The following SYNE2 variants were observed in gnomAD, a reference collection of about 807,000 sequenced individuals.
The protein encoded by SYNE2 is nesprin-2.
A neutral mutation model predicts 856.3 loss-of-function variants in SYNE2; 431 were observed. The observed-to-expected ratio is 0.50, with a 90% CI of 0.47 to 0.55. SYNE2 has a LOEUF of 0.55. SYNE2 is among the 20% of genes least tolerant of loss of function. SYNE2 has a pLI of 0.00. For missense variants in SYNE2, 8,129 were observed against 8,023.2 expected (o/e 1.01, Z -0.50); for synonymous variants, 2,923 against 2,872.3 (o/e 1.02, Z -0.56).
intron 64 of SYNE2, among the ~76,000 whole-genome samples, chr14:64,106,584 G>A (rs1167131366): frequency 5.3e-5 from 8 of 152,176 alleles, no homozygotes; most frequent in Admixed American, 5.2e-4. Flanking sequence ...AGGAGGCGGA[G>A]CTTGTGGTGA....
chr14:64,196,557 C>T (rs1439826301), intron 99 of SYNE2, among the ~76,000 whole-genome samples: 1 of 152,154 alleles, frequency 6.6e-6, no homozygotes, highest in Non-Finnish European at 1.5e-5. Flanking sequence ...AGGGATATTT[C>T]TTCTTTAAGA....
intron 107 of SYNE2, 112 bp from the exon 108 acceptor site, chr14:64,216,136 G>T: frequency 1.3e-6 from 2 of 1,583,268 alleles, no homozygotes; most frequent in East Asian, 2.3e-5. Flanking sequence ...AAACATGCAT[G>T]CTTTGCAAGG....
At chr14:63,885,633 GCT>G (rs1488883439) in intron 1 of SYNE2, among the ~76,000 whole-genome samples, 1 of 152,066 alleles carries the variant, frequency 6.6e-6, no homozygotes, top group Non-Finnish European at 1.5e-5. Context: ...ACAGGGTTTT[GCT>G]CTGTCACCTA....
rs908836747 is a variant in SYNE2 at position 64,221,582 on chromosome 14, C to T, written c.20068C>T (p.His6690Tyr). 2 of 1,614,170 alleles carry T rather than the reference C, an allele frequency of 1.2e-6. No homozygotes were observed. The highest frequency in any genetic ancestry group is 1.3e-5 in the African/African-American group (1 of 75,022). The change falls in exon 112 of 116, where the codon CAC becomes TAC. Residue 6690 changes from histidine (H) to tyrosine (Y), a missense_variant. By Grantham distance (83) the His-to-Tyr change is moderately conservative (BLOSUM62 2). Coordinates refer to ENST00000555002, the MANE Select transcript of SYNE2 (RefSeq NM_182914.3). ...RQSLMQCQDF[H>Y]QLSQNLLLWL... ...TGATGTGTTGTTTTTTAAGGACTTCCACCAGTTGAGTCAAAATCTGCTGCT... is the reference window on the plus strand; with the variant it reads ...TGATGTGTTGTTTTTTAAGGACTTCTACCAGTTGAGTCAAAATCTGCTGCT...
chr14:64,167,805 C>T (rs947833788), intron 92 of SYNE2, among the ~76,000 whole-genome samples, 166 bp downstream of exon 92: 5 of 152,144 alleles, frequency 3.3e-5, no homozygotes, highest in Admixed American at 2.6e-4. Context: ...AATTCTTGTA[C>T]GTTTCATAAA....
chr14:64,167,930 T>A (rs2098389937), intron 92 of SYNE2, among the ~76,000 whole-genome samples: 2 of 152,196 alleles, frequency 1.3e-5, no homozygotes, highest in African/African-American at 4.8e-5. Flanking sequence ...TACCATTCTA[T>A]CAAGAGTATA....
chr14:63,872,938 C>T (rs989965099), intron 1 of SYNE2, among the ~76,000 whole-genome samples: 6 of 151,974 alleles, frequency 3.9e-5, no homozygotes, highest in African/African-American at 1.4e-4. Context: ...ATTAGTATGT[C>T]TCAGTTTATC....
intron 64 of SYNE2, 124 bp downstream of exon 64, chr14:64,102,166 G>T (rs537140617): frequency 4.8e-5 from 34 of 704,168 alleles, no homozygotes; most frequent in Non-Finnish European, 8.3e-5. Flanking sequence ...GCCCAGACTG[G>T]AGTGCAGTCG....
chr14:63,818,706 T>C (rs1441759982), intron 1 of SYNE2, among the ~76,000 whole-genome samples: 3 of 149,818 alleles, frequency 2.0e-5, no homozygotes, highest in Admixed American at 6.7e-5. Flanking sequence ...CTTTTCTTTT[T>C]TTTTTTTTTT....
chr14:64,031,830 A>G (rs532563637), intron 45 of SYNE2, among the ~76,000 whole-genome samples: 64 of 152,330 alleles, frequency 4.2e-4, no homozygotes, highest in Middle Eastern at 3.4e-3. Context: ...GGATAGCAAC[A>G]TTTAGGCTCC....
intron 41 of SYNE2, among the ~76,000 whole-genome samples, chr14:64,026,198 CTG>C (rs1270501514): frequency 6.6e-6 from 1 of 152,168 alleles, no homozygotes; most frequent in Non-Finnish European, 1.5e-5. Context: ...ATGAGGGACA[CTG>C]TATTTTCCTA....
At chr14:63,938,300 T>A (rs2095857788) in intron 2 of SYNE2, among the ~76,000 whole-genome samples, 1 of 151,938 alleles carries the variant, frequency 6.6e-6, no homozygotes, top group African/African-American at 2.4e-5. Flanking sequence ...ACAAAAAATT[T>A]AAAAAATTAG....
chr14:64,124,685 C>G (rs759846159), intron 70 of SYNE2, among the ~76,000 whole-genome samples: 1 of 152,130 alleles, frequency 6.6e-6, no homozygotes, highest in Non-Finnish European at 1.5e-5. Context: ...AGACAGCATG[C>G]TAAGGCATCT....
intron 15 of SYNE2, 81 bp downstream of exon 15, chr14:63,980,813 T>C (rs1449334262): frequency 5.9e-6 from 7 of 1,188,844 alleles, no homozygotes; most frequent in South Asian, 2.7e-5. Flanking sequence ...CTATATAATG[T>C]TTTAGAAATT....
rs146512261 is a variant in SYNE2, at chr14:63,973,378, T to A, written c.1129-3185T>A. Among the ~76,000 whole-genome samples the A allele has an allele frequency of 3.6e-3, 552 of 152,280 alleles. 16 individuals are homozygous for A. In the East Asian group the frequency reaches 0.087, roughly 24 times the overall value. On this transcript the variant is annotated intron_variant, in intron 11 of 115. Transcript: ENST00000555002. The stretch of plus-strand genomic sequence containing the variant: ...CAGGTGCAGTGGCTCACGCCTGTAA[T>A]CCCAGCACTTTGGGAGGCCGAGGCG...
chr14:64,056,287 A>G (rs374376241), intron 49 of SYNE2, 21 bp downstream of exon 49: 3 of 1,584,300 alleles, frequency 1.9e-6, no homozygotes, highest in Non-Finnish European at 2.6e-6. Flanking sequence ...TTCCAAAGGT[A>G]ATCTTTAAGA....
Position 63,957,522 on chromosome 14 carries a change from C to T in SYNE2, c.787+2607C>T, listed in dbSNP as rs150549591. ...GGCCTCAAGTGTTTGCCCACCTCAGCCTCCCAAAATGCTGGGATTACAGAT... is the reference window on the plus strand; with the variant it reads ...GGCCTCAAGTGTTTGCCCACCTCAGTCTCCCAAAATGCTGGGATTACAGAT... On this transcript the variant is annotated intron_variant, in intron 8 of 115. Transcript: ENST00000555002. Among the ~76,000 whole-genome samples, 356 of 152,002 alleles carry T rather than the reference C, an allele frequency of 2.3e-3. 2 individuals are homozygous for T. The highest frequency in any genetic ancestry group is 3.8e-3 in the Admixed American group (58 of 15,264).
intron 1 of SYNE2, among the ~76,000 whole-genome samples, chr14:63,825,542 A>G (rs560333437): frequency 1.3e-5 from 2 of 152,276 alleles, no homozygotes; most frequent in Non-Finnish European, 2.9e-5. Flanking sequence ...TACTGAAAGA[A>G]GTGCAAGACT....
intron 88 of SYNE2, chr14:64,162,612 A>G: frequency 2.7e-6 from 1 of 371,496 alleles, no homozygotes; most frequent in Non-Finnish European, 5.2e-6. Flanking sequence ...TAAGAATAAT[A>G]CATGTTGTAT....
Sources: gnomAD v4.1 joint callset for allele counts (sites outside exome capture counted in the v4.1 genomes callset) on GRCh38, gnomAD v4.1.1 for gene constraint, MANE v1.5 for transcripts, NCBI Gene and HGNC (gene_info 2026-07-23, HGNC 2026-07-21) for gene names.